The following ROBO2 variants were observed in gnomAD, a reference collection of about 807,000 sequenced individuals.
ROBO2 encodes the protein roundabout homolog 2.
A neutral mutation model predicts 160.8 loss-of-function variants in ROBO2; 53 were observed. That is an observed-to-expected ratio of 0.33 (90% CI 0.26 to 0.41). The LOEUF is 0.41. Among genes scored for constraint, ROBO2 ranks in the 10% least tolerant of loss-of-function variants. ROBO2 has a pLI of 1.00. For missense variants in ROBO2, 1,577 were observed against 1,722.4 expected (o/e 0.92, Z 1.49); for synonymous variants, 664 against 611.7 (o/e 1.09, Z -1.26).
At chr3:75,987,230 A>G (rs929985253) in intron 2 of ROBO2, among the ~76,000 whole-genome samples, 1 of 151,952 alleles carries the variant, frequency 6.6e-6, no homozygotes, top group Non-Finnish European at 1.5e-5. Flanking sequence ...AATGTCTTCC[A>G]TAGTTTTCAT....
At chr3:76,352,726 T>C (rs1474033905) in intron 2 of ROBO2, among the ~76,000 whole-genome samples, 1 of 151,984 alleles carries the variant, frequency 6.6e-6, no homozygotes, top group Admixed American at 6.6e-5. Context: ...GCAACTTTGG[T>C]CCTTTATGAG....
chr3:76,765,053 C>G (rs969077712), intron 2 of ROBO2, among the ~76,000 whole-genome samples: 91 of 151,766 alleles, frequency 6.0e-4, no homozygotes, highest in African/African-American at 2.1e-3. Context: ...CAACCCTCAT[C>G]CCTCTCCGAC....
intron 2 of ROBO2, among the ~76,000 whole-genome samples, chr3:76,490,524 A>G (rs923812271): frequency 3.9e-5 from 6 of 152,250 alleles, no homozygotes; most frequent in Admixed American, 2.0e-4. Context: ...AGAAGGAAGC[A>G]CTATACTGAG....
At chr3:76,319,145 C>G (rs1468291895) in intron 2 of ROBO2, among the ~76,000 whole-genome samples, 3 of 152,142 alleles carry the variant, frequency 2.0e-5, no homozygotes, top group Non-Finnish European at 4.4e-5. Context: ...GCCATTCAGT[C>G]TCATCAGTCC....
At chr3:77,553,153 T>G (rs960640837) in intron 8 of ROBO2, among the ~76,000 whole-genome samples, 1 of 151,958 alleles carries the variant, frequency 6.6e-6, no homozygotes, top group African/African-American at 2.4e-5. Context: ...TTTTGGTAAT[T>G]CTCACAGTAT....
chr3:76,837,184 G>A (rs1341129267), intron 2 of ROBO2, among the ~76,000 whole-genome samples: 1 of 151,752 alleles, frequency 6.6e-6, no homozygotes, highest in African/African-American at 2.4e-5. Context: ...TAGAACCAAG[G>A]AACAGTCAGT....
chr3:76,293,004 A>G lies in ROBO2; in HGVS notation c.109+355402A>G, dbSNP rs368536090. Among the ~76,000 whole-genome samples, 28 of 151,132 alleles carry G rather than the reference A, an allele frequency of 1.9e-4. No homozygotes were observed. In the South Asian group the frequency reaches 5.2e-3, roughly 28 times the overall value. ...ATATAGTGCTTATTTTGGGTTTGTT[A>G]TAACATAAAAATTTTAAGTGGCATT... On this transcript the variant is annotated intron_variant, in intron 2 of 26. Transcript: ENST00000487694.
chr3:76,274,649 C>T (rs535185831), intron 2 of ROBO2, among the ~76,000 whole-genome samples: 1 of 151,694 alleles, frequency 6.6e-6, no homozygotes, highest in South Asian at 2.1e-4. Context: ...CCAGTCTGGC[C>T]AGAATGGTGA....
intron 2 of ROBO2, among the ~76,000 whole-genome samples, chr3:76,889,673 C>G (rs1388315828): frequency 6.6e-6 from 1 of 152,046 alleles, no homozygotes; most frequent in African/African-American, 2.4e-5. Context: ...ATTAAAATCC[C>G]CTGTGTGGAT....
intron 2 of ROBO2, among the ~76,000 whole-genome samples, chr3:76,819,675 C>T (rs1019341734): frequency 3.9e-5 from 6 of 151,944 alleles, no homozygotes; most frequent in Admixed American, 3.9e-4. Context: ...CTAGGCTAGT[C>T]GGTCAACCTC....
At chr3:76,882,472 C>T (rs1467755333) in intron 2 of ROBO2, among the ~76,000 whole-genome samples, 1 of 151,920 alleles carries the variant, frequency 6.6e-6, no homozygotes. Flanking sequence ...CATCCCCGCC[C>T]TATATTACAA....
chr3:77,355,682 G>C (rs111702103), intron 2 of ROBO2, among the ~76,000 whole-genome samples: 1,666 of 152,134 alleles, frequency 0.011, 17 homozygotes, highest in Middle Eastern at 0.017. Context: ...GTACTAAAAG[G>C]ATTCATAGGA....
rs1032104882 is a variant in ROBO2, at chr3:76,533,852, G to C, written c.110-564162G>C. ...TGTCCCAGGGTCAACTGATCAGTTAGGGTAGGGCAGGAACGAGTCATAGTG... is the reference window on the plus strand; with the variant it reads ...TGTCCCAGGGTCAACTGATCAGTTACGGTAGGGCAGGAACGAGTCATAGTG... On this transcript the variant is annotated intron_variant, in intron 2 of 26. Coordinates refer to the ROBO2 transcript ENST00000487694. Among the ~76,000 whole-genome samples the C allele has an allele frequency of 2.6e-5, 4 of 152,120 alleles. No homozygotes were observed. The South Asian group carries it at 6.2e-4, about 24-fold the overall frequency.
chr3:77,488,824 T>C (rs192034648), intron 4 of ROBO2, among the ~76,000 whole-genome samples: 32 of 152,340 alleles, frequency 2.1e-4, no homozygotes, highest in African/African-American at 7.5e-4. Flanking sequence ...CTGTACAACT[T>C]CTTTAGTCTT....
At chr3:77,310,507 G>C (rs2063454518) in intron 2 of ROBO2, among the ~76,000 whole-genome samples, 1 of 152,064 alleles carries the variant, frequency 6.6e-6, no homozygotes, top group Admixed American at 6.6e-5. Context: ...AGAAAAGATT[G>C]ATCTTGTGTC....
intron 2 of ROBO2, among the ~76,000 whole-genome samples, chr3:77,470,061 G>T (rs1338421590): frequency 6.6e-6 from 1 of 152,144 alleles, no homozygotes; most frequent in South Asian, 2.1e-4. Context: ...CTTGCAGGCA[G>T]AAAGACCATC....
chr3:76,411,036 G>C (rs777250064), intron 2 of ROBO2, among the ~76,000 whole-genome samples: 2 of 151,842 alleles, frequency 1.3e-5, no homozygotes, highest in Admixed American at 6.6e-5. Context: ...TTAATGATAG[G>C]TTATCATGAA....
At chr3:76,478,043 A>ATTATTAT (rs1157931485) in intron 2 of ROBO2, among the ~76,000 whole-genome samples, 2 of 150,960 alleles carry the variant, frequency 1.3e-5, no homozygotes, top group African/African-American at 2.4e-5. Flanking sequence ...TATTATTATT[A>ATTATTAT]TACTTTAAGT....
In ROBO2 at chr3:77,609,606, T is replaced by TA. The variant is rs1353249956; in HGVS notation, c.3293+1656dup. Among the ~76,000 whole-genome samples, 24 of 151,834 alleles carry TA rather than the reference T, an allele frequency of 1.6e-4. 1 individual carries two copies. Among genetic ancestry groups the TA allele is most frequent in the Non-Finnish European group, 1.3e-4 (9 of 67,876 alleles). Reference sequence around the variant, plus strand: ...TGATAATTCCTGTAACCCCCTGCAATAAAACCAATTAAATCAAAATCAATG... The same window carrying TA: ...TGATAATTCCTGTAACCCCCTGCAATAAAAACCAATTAAATCAAAATCAATG... On this transcript the variant is annotated intron_variant, in intron 21 of 25. Transcript: ENST00000461745.
Sources: gnomAD v4.1 joint callset for allele counts (sites outside exome capture counted in the v4.1 genomes callset) on GRCh38, gnomAD v4.1.1 for gene constraint, MANE v1.5 for transcripts, NCBI Gene and HGNC (gene_info 2026-07-23, HGNC 2026-07-21) for gene names.